The following AKAP6 variants were observed in gnomAD, a reference collection of about 807,000 sequenced individuals.
The protein encoded by AKAP6 is A-kinase anchoring protein 6.
Under a neutral mutation model 188.5 loss-of-function variants are expected in AKAP6, and 58 were observed. The ratio of observed to expected loss-of-function variants is 0.31; its 90% CI spans 0.25 to 0.38. The LOEUF (loss-of-function observed/expected upper bound fraction) is 0.38. Among genes scored for constraint, AKAP6 ranks in the 10% least tolerant of loss-of-function variants. The probability of loss-of-function intolerance (pLI) is 1.00; values close to 1 mark genes in which losing one functional copy is unlikely to be tolerated. For missense variants in AKAP6, 2,710 were observed against 2,740.0 expected (o/e 0.99, Z 0.24); for synonymous variants, 989 against 998.6 (o/e 0.99, Z 0.18).
intron 3 of AKAP6, 102 bp from the exon 4 acceptor site, chr14:32,545,128 A>T: frequency 9.0e-7 from 1 of 1,111,106 alleles, no homozygotes; most frequent in Admixed American, 2.1e-5. Flanking sequence ...GGACCAATAC[A>T]TTTGACCTTT....
intron 2 of AKAP6, among the ~76,000 whole-genome samples, chr14:32,458,046 C>A (rs923286490): frequency 1.3e-5 from 2 of 152,076 alleles, no homozygotes; most frequent in Non-Finnish European, 2.9e-5. Flanking sequence ...GAGTGAAAAG[C>A]CTTGGCAAAT....
chr14:32,444,119 A>G (rs1890680939), intron 2 of AKAP6, among the ~76,000 whole-genome samples: 1 of 152,158 alleles, frequency 6.6e-6, no homozygotes, highest in African/African-American at 2.4e-5. Context: ...GACACCCACA[A>G]ATAAAGCAAT....
chr14:32,535,489 T>C lies in AKAP6; in HGVS notation c.325-65T>C, dbSNP rs1594719540. The C allele has an allele frequency of 1.1e-5, 17 of 1,539,506 alleles. No individual in the cohort carries two copies. In the East Asian group the frequency reaches 2.7e-4, roughly 25 times the overall value. ...GTTAGGTAAGAGTGTACTTTTCTAC[T>C]ACCCTCACCTCCCTCCAGGATAAGG... On this transcript the variant is annotated intron_variant, in intron 2 of 13. Coordinates refer to ENST00000280979, the MANE Select transcript of AKAP6 (RefSeq NM_004274.5).
At chr14:32,617,774 T>C (rs969508364) in intron 7 of AKAP6, among the ~76,000 whole-genome samples, 5 of 152,080 alleles carry the variant, frequency 3.3e-5, no homozygotes, top group Admixed American at 6.6e-5. Context: ...TACAGGTGTG[T>C]GCCACCACGC....
intron 7 of AKAP6, among the ~76,000 whole-genome samples, chr14:32,649,015 A>C (rs1888098392): frequency 6.6e-6 from 1 of 152,192 alleles, no homozygotes; most frequent in Non-Finnish European, 1.5e-5. Flanking sequence ...AATGGATTTC[A>C]AAATAATTAA....
chr14:32,525,024 G>A (rs1033785112), intron 2 of AKAP6, among the ~76,000 whole-genome samples: 2 of 152,086 alleles, frequency 1.3e-5, no homozygotes, highest in African/African-American at 4.8e-5. Context: ...AAAAAAATCA[G>A]TTCTATGAAG....
intron 4 of AKAP6, among the ~76,000 whole-genome samples, chr14:32,559,265 G>A (rs988955963): frequency 6.6e-6 from 1 of 152,124 alleles, no homozygotes; most frequent in African/African-American, 2.4e-5. Flanking sequence ...GGAGTGATGG[G>A]ACTGAATCAC....
intron 12 of AKAP6, among the ~76,000 whole-genome samples, chr14:32,786,309 T>TTTG (rs1566710290): frequency 9.6e-5 from 9 of 93,696 alleles, no homozygotes; most frequent in African/African-American, 1.9e-4. Flanking sequence ...TTTTTTTTTT[T>TTTG]TTTTTTTTTT....
chr14:32,834,777 C>T lies in AKAP6; in HGVS notation c.*4972C>T, dbSNP rs1258351547. The T allele has an allele frequency of 6.6e-6, 1 of 152,048 alleles. No individual in the cohort carries two copies. Among genetic ancestry groups the T allele is most frequent in the Non-Finnish European group, 1.5e-5 (1 of 68,016 alleles). 9.4% of individuals were successfully genotyped at this position (152,048 alleles called of 1,614,324 possible). On this transcript the variant is annotated 3_prime_UTR_variant, in exon 14 of 14. Transcript: ENST00000280979. ...TCTTTAATGAAGATTGATTGAATAACTGACATTCCTGATATGTTTTAAAGT... is the reference window on the plus strand; with the variant it reads ...TCTTTAATGAAGATTGATTGAATAATTGACATTCCTGATATGTTTTAAAGT...
intron 1 of AKAP6, among the ~76,000 whole-genome samples, chr14:32,369,261 A>G (rs1887934633): frequency 6.6e-6 from 1 of 152,206 alleles, no homozygotes; most frequent in Non-Finnish European, 1.5e-5. Flanking sequence ...TCTGTTCACA[A>G]TAGGCAAGGG....
At chr14:32,812,870 C>T (rs2034271692) in intron 12 of AKAP6, among the ~76,000 whole-genome samples, 1 of 152,160 alleles carries the variant, frequency 6.6e-6, no homozygotes, top group Admixed American at 6.5e-5. Context: ...AAAAGTTTCT[C>T]TACACACACT....
chr14:32,757,906 G>A (rs1250836727), intron 11 of AKAP6, among the ~76,000 whole-genome samples: 1 of 151,598 alleles, frequency 6.6e-6, no homozygotes, highest in Non-Finnish European at 1.5e-5. Context: ...AAGTGGAGGG[G>A]ACGAAACAGA....
At position 32,460,435 on chromosome 14, in the gene AKAP6, G is replaced by T. The variant is rs745687290; in HGVS notation, c.324+26618G>T. Reference sequence around the variant, plus strand: ...GTAGTGGGTCCAACCCACAGAGGGTGAGCAGAAGCAGGGTGGGGCGTTGCT... The same window carrying T: ...GTAGTGGGTCCAACCCACAGAGGGTTAGCAGAAGCAGGGTGGGGCGTTGCT... On this transcript the variant is annotated intron_variant, in intron 2 of 13. Coordinates refer to ENST00000280979, the MANE Select transcript of AKAP6 (RefSeq NM_004274.5). Among the ~76,000 whole-genome samples the T allele has an allele frequency of 1.0e-3, 156 of 152,346 alleles. 3 individuals carry two copies. Among genetic ancestry groups the T allele is most frequent in the Non-Finnish European group, 3.4e-4 (23 of 68,030 alleles).
intron 2 of AKAP6, among the ~76,000 whole-genome samples, chr14:32,479,900 A>G (rs1879252205): frequency 6.6e-6 from 1 of 152,154 alleles, no homozygotes; most frequent in African/African-American, 2.4e-5. Context: ...TATTGTTTAT[A>G]ATCTACCCAG....
At chr14:32,690,195 A>C (rs1296718018) in intron 8 of AKAP6, among the ~76,000 whole-genome samples, 2 of 151,280 alleles carry the variant, frequency 1.3e-5, no homozygotes, top group African/African-American at 4.9e-5. Context: ...TAATTGCTCT[A>C]TTTTGATGAT....
intron 4 of AKAP6, among the ~76,000 whole-genome samples, chr14:32,565,853 A>G (rs565533823): frequency 6.6e-6 from 1 of 152,320 alleles, no homozygotes; most frequent in East Asian, 1.9e-4. Context: ...GCTTCATTTT[A>G]GGAATGCCAT....
intron 1 of AKAP6, among the ~76,000 whole-genome samples, chr14:32,407,400 G>T (rs1280180230): frequency 6.6e-6 from 1 of 152,140 alleles, no homozygotes; most frequent in African/African-American, 2.4e-5. Context: ...CTCCAGCTCG[G>T]CTATGTGTGA....
chr14:32,556,089 C>T (rs1378237068), intron 4 of AKAP6, among the ~76,000 whole-genome samples: 3 of 151,990 alleles, frequency 2.0e-5, no homozygotes, highest in Non-Finnish European at 4.4e-5. Flanking sequence ...TCCAGTTTCC[C>T]CACATCCTTG....
intron 4 of AKAP6, among the ~76,000 whole-genome samples, chr14:32,574,396 A>T (rs557917232): frequency 6.6e-6 from 1 of 152,146 alleles, no homozygotes; most frequent in Non-Finnish European, 1.5e-5. Context: ...CCCAGGACCA[A>T]TGGGTTTTGT....
Sources: allele counts gnomAD v4.1 joint callset (sites outside exome capture counted in the v4.1 genomes callset), GRCh38; gene constraint gnomAD v4.1.1; transcripts MANE v1.5; gene names NCBI Gene and HGNC (gene_info 2026-07-23, HGNC 2026-07-21).